The following FAM241A variants were observed in gnomAD, a reference collection of about 807,000 sequenced individuals.
FAM241A encodes family with sequence similarity 241 member A.
FAM241A carries 7 observed loss-of-function variants against 12.2 expected under a neutral mutation model. The ratio of observed to expected loss-of-function variants is 0.58; its 90% confidence interval spans 0.33 to 1.08. The LOEUF (loss-of-function observed/expected upper bound fraction) is 1.08, where lower values mean the gene tolerates loss of function less well. Among genes scored for constraint, FAM241A ranks in the 50% least tolerant of loss-of-function variants. The probability of loss-of-function intolerance (pLI) is 0.04; values close to 1 mark genes in which losing one functional copy is unlikely to be tolerated. For synonymous variants in FAM241A, 74 were observed against 68.2 expected (o/e 1.08, Z -0.42); for missense variants, 161 against 169.7 (o/e 0.95, Z 0.29).
chr4:112,151,207 G>T (rs567458715), intron 1 of FAM241A, among the ~76,000 whole-genome samples: 1 of 152,070 alleles, frequency 6.6e-6, no homozygotes, highest in Admixed American at 6.6e-5. Flanking sequence ...GTTCACACAA[G>T]ATCTGGTTGT....
chr4:112,178,976 T>C (rs1723875154), intron 1 of FAM241A, among the ~76,000 whole-genome samples: 1 of 152,106 alleles, frequency 6.6e-6, no homozygotes, highest in Non-Finnish European at 1.5e-5. Context: ...AGAAAACAGA[T>C]GCTGGCGAGG....
Position 112,181,308 on chromosome 4 carries a change from G to T in FAM241A, c.154-5385G>T, listed in dbSNP as rs542599790. Among the ~76,000 whole-genome samples, 9 of 150,922 alleles carry T rather than the reference G, an allele frequency of 6.0e-5. No homozygotes were observed. In the East Asian group the frequency reaches 1.8e-3, roughly 30 times the overall value. On this transcript the variant is annotated intron_variant, in intron 1 of 1. Transcript: ENST00000309733. ...AGTAAATAATATTTTGGAAAATAGT[G>T]CCCATCTTTGGTTTGGCCAAAAAAA...
chr4:112,160,847 G>T (rs559182538), intron 1 of FAM241A, among the ~76,000 whole-genome samples: 1 of 152,256 alleles, frequency 6.6e-6, no homozygotes, highest in African/African-American at 2.4e-5. Flanking sequence ...GGAAAAACTG[G>T]ATATCCATAT....
intron 1 of FAM241A, among the ~76,000 whole-genome samples, chr4:112,170,288 C>A (rs556917822): frequency 1.3e-5 from 2 of 152,200 alleles, no homozygotes; most frequent in East Asian, 3.9e-4. Flanking sequence ...ATTCTAAGAC[C>A]CCCAGTGGAT....
chr4:112,192,964 C>T lies in FAM241A; in HGVS notation c.*6026C>T, dbSNP rs1391493539. ...TTGAACTAGTTTACAGTCCCACCAA[C>T]AGTGTAAAAGTGTTCCTATTTCTCC... On this transcript the variant is annotated 3_prime_UTR_variant, in exon 2 of 2. Transcript: ENST00000309733. 2.7e-5 allele frequency: 4 copies of T among 148,564 alleles called. No individual in the cohort carries two copies. The highest frequency in any genetic ancestry group is 1.0e-4 in the African/African-American group (4 of 40,174). The allele number at this position is 148,564 out of a possible 1,614,324, so 9.2% of individuals were successfully genotyped here. A position where few individuals can be genotyped will look rare whatever the true frequency, so the allele number is the denominator to read the frequency against.
intron 1 of FAM241A, among the ~76,000 whole-genome samples, chr4:112,178,330 T>C (rs1016183695): frequency 6.6e-5 from 10 of 152,132 alleles, no homozygotes; most frequent in African/African-American, 1.2e-4. Flanking sequence ...TTCACATGGG[T>C]TCTTAAATAC....
intron 1 of FAM241A, among the ~76,000 whole-genome samples, chr4:112,147,004 A>G (rs1228342056): frequency 1.3e-5 from 2 of 152,230 alleles, no homozygotes; most frequent in African/African-American, 4.8e-5. Context: ...TGAAGAAGAC[A>G]GCACAAGAAT....
intron 1 of FAM241A, among the ~76,000 whole-genome samples, chr4:112,161,788 A>G (rs191567002): frequency 1.4e-3 from 215 of 152,336 alleles, no homozygotes; most frequent in African/African-American, 5.0e-3. Flanking sequence ...AAAAAGAAGG[A>G]ATCCTTCCTA....
chr4:112,159,127 C>T (rs961183926), intron 1 of FAM241A, among the ~76,000 whole-genome samples: 1 of 152,242 alleles, frequency 6.6e-6, no homozygotes, highest in Non-Finnish European at 1.5e-5. Context: ...TGGAAGAGCT[C>T]ACTGAGGTAA....
rs1041366464 is a variant in FAM241A at position 112,194,699 on chromosome 4, C to T, written c.*7761C>T. The T allele has an allele frequency of 2.0e-5, 3 of 152,076 alleles. No homozygotes were observed. The highest frequency in any genetic ancestry group is 2.0e-4 in the Admixed American group (3 of 15,254). 9.4% of individuals were successfully genotyped at this position (152,076 alleles called of 1,614,324 possible). A position where few individuals can be genotyped will look rare whatever the true frequency, so the allele number is the denominator to read the frequency against. On this transcript the variant is annotated 3_prime_UTR_variant, in exon 2 of 2. Transcript: ENST00000309733. ...CAGCCTTGCATCCCAGGGATGAAGCCCACTTGAACATGGTGGATAAGCTTT... is the reference window on the plus strand; with the variant it reads ...CAGCCTTGCATCCCAGGGATGAAGCTCACTTGAACATGGTGGATAAGCTTT...
intron 1 of FAM241A, among the ~76,000 whole-genome samples, chr4:112,166,318 C>T (rs1384452192): frequency 1.3e-5 from 2 of 151,914 alleles, no homozygotes; most frequent in Non-Finnish European, 1.5e-5. Flanking sequence ...GATCCGCCTG[C>T]CTTGGCCTCC....
chr4:112,162,885 G>C (rs930105230), intron 1 of FAM241A, among the ~76,000 whole-genome samples: 4 of 152,172 alleles, frequency 2.6e-5, no homozygotes, highest in Non-Finnish European at 5.9e-5. Flanking sequence ...AAAGCTGGAG[G>C]CATCACACTA....
chr4:112,165,797 A>G (rs1723582706), intron 1 of FAM241A, among the ~76,000 whole-genome samples: 1 of 152,186 alleles, frequency 6.6e-6, no homozygotes, highest in South Asian at 2.1e-4. Flanking sequence ...AGGATGGTTA[A>G]TGGTTACAAA....
intron 1 of FAM241A, among the ~76,000 whole-genome samples, chr4:112,180,583 TGATAC>T (rs1187976812): frequency 1.3e-5 from 2 of 152,186 alleles, no homozygotes; most frequent in Non-Finnish European, 2.9e-5. Flanking sequence ...CATTGCTGAC[TGATAC>T]ATTTGTAAAA....
At chr4:112,184,071 G>C (rs1250276865) in intron 1 of FAM241A, among the ~76,000 whole-genome samples, 1 of 152,060 alleles carries the variant, frequency 6.6e-6, no homozygotes, top group African/African-American at 2.4e-5. Context: ...TCATTTTATG[G>C]ATTAGAAAAC....
chr4:112,174,522 A>G (rs1419868415), intron 1 of FAM241A, among the ~76,000 whole-genome samples: 1 of 152,222 alleles, frequency 6.6e-6, no homozygotes, highest in Non-Finnish European at 1.5e-5. Context: ...GTTGAAAGCA[A>G]TACAGATCTT....
chr4:112,150,453 A>G (rs1201032857), intron 1 of FAM241A, among the ~76,000 whole-genome samples: 1 of 152,234 alleles, frequency 6.6e-6, no homozygotes, highest in Non-Finnish European at 1.5e-5. Context: ...TATCCAGTTT[A>G]TAGATAAAAA....
At chr4:112,180,524 C>A (rs759920055) in intron 1 of FAM241A, among the ~76,000 whole-genome samples, 14 of 151,970 alleles carry the variant, frequency 9.2e-5, no homozygotes, top group Non-Finnish European at 1.8e-4. Flanking sequence ...GTTCATTATA[C>A]CAGTGTTTCT....
chr4:112,179,013 A>G (rs926854016), intron 1 of FAM241A, among the ~76,000 whole-genome samples: 20 of 152,184 alleles, frequency 1.3e-4, no homozygotes, highest in African/African-American at 3.6e-4. Context: ...ATGCTTATAC[A>G]TTATTGGTGG....
Sources: gnomAD v4.1 joint callset for allele counts (sites outside exome capture counted in the v4.1 genomes callset) on GRCh38, gnomAD v4.1.1 for gene constraint, MANE v1.5 for transcripts, NCBI Gene and HGNC (gene_info 2026-07-23, HGNC 2026-07-21) for gene names.